Variants in SH2D1A observed in about 807,000 individuals in gnomAD.
SH2D1A encodes SH2 domain-containing protein 1A.
Under a neutral mutation model 10.1 loss-of-function variants are expected in SH2D1A, and 6 were observed. The observed-to-expected ratio is 0.60, with a 90% CI of 0.33 to 1.18. The LOEUF is 1.18. Ranked by LOEUF, SH2D1A falls within the 50% of genes most tolerant of loss-of-function variation. The pLI, the probability that SH2D1A is intolerant of heterozygous loss-of-function variation, is 0.04. For synonymous variants in SH2D1A, 42 were observed against 36.9 expected, an observed-to-expected ratio of 1.14 and a Z score of -0.51; for missense variants, 51 against 97.6, an observed-to-expected ratio of 0.52 and a Z score of 2.01.
At chrX:124,358,552 G>GA (rs2060031699) in intron 1 of SH2D1A, among the ~76,000 whole-genome samples, 1 of 111,923 alleles carries the variant, frequency 8.9e-6, no homozygotes, top group Non-Finnish European at 1.9e-5. Flanking sequence ...GGGAAGAAAG[G>GA]AAAAAATGGT....
At chrX:124,364,077 G>A (rs77635955) in intron 1 of SH2D1A, among the ~76,000 whole-genome samples, 1 of 109,567 alleles carries the variant, frequency 9.1e-6, no homozygotes, top group African/African-American at 3.3e-5. Context: ...ATAAAAAAAA[G>A]TTAGCTGTAA....
At chrX:124,348,545 T>A (rs905758823) in intron 1 of SH2D1A, among the ~76,000 whole-genome samples, 13 of 111,677 alleles carry the variant, frequency 1.2e-4, no homozygotes, top group African/African-American at 3.9e-4. Context: ...TCAGTTCACA[T>A]GTTTGTTCAA....
intron 1 of SH2D1A, among the ~76,000 whole-genome samples, chrX:124,352,622 G>A (rs1279382900): frequency 1.8e-5 from 2 of 111,309 alleles, no homozygotes; most frequent in Non-Finnish European, 3.8e-5. Context: ...CTTTTTAATG[G>A]CCAGATAGTA....
intron 1 of SH2D1A, among the ~76,000 whole-genome samples, chrX:124,349,656 A>C (rs888091904): frequency 1.4e-4 from 16 of 111,063 alleles, no homozygotes; most frequent in Non-Finnish European, 1.9e-4. Context: ...ACTGTACTTT[A>C]AACTGTACTT....
chrX:124,354,666 G>C (rs756486337), intron 1 of SH2D1A, among the ~76,000 whole-genome samples: 2 of 111,643 alleles, frequency 1.8e-5, no homozygotes, highest in South Asian at 7.5e-4. Context: ...ACCTCACAGG[G>C]TTGTTATGAT....
chrX:124,368,578 G>A (rs1248507341), intron 2 of SH2D1A, among the ~76,000 whole-genome samples: 2 of 112,447 alleles, frequency 1.8e-5, no homozygotes, highest in African/African-American at 6.5e-5. Flanking sequence ...GTTTGGCCCA[G>A]TTCTAATCTG....
At chrX:124,352,957 A>G (rs1460226164) in intron 1 of SH2D1A, among the ~76,000 whole-genome samples, 1 of 111,452 alleles carries the variant, frequency 9.0e-6, no homozygotes, top group African/African-American at 3.3e-5. Context: ...AGTTAACAAT[A>G]TCTTATGTAT....
intron 2 of SH2D1A, 34 bp downstream of exon 2, chrX:124,365,858 T>C (rs1289780036): frequency 3.4e-6 from 3 of 894,683 alleles, no homozygotes; most frequent in Non-Finnish European, 4.9e-6. Flanking sequence ...TCTGGGGGTG[T>C]CAAGGAGGTA....
intron 1 of SH2D1A, among the ~76,000 whole-genome samples, chrX:124,359,908 A>T (rs1451132453): frequency 9.1e-6 from 1 of 110,044 alleles, no homozygotes; most frequent in African/African-American, 3.4e-5. Context: ...TGAAAGATAT[A>T]GTAATTTTTT....
chrX:124,357,207 T>A (rs969509704), intron 1 of SH2D1A, among the ~76,000 whole-genome samples: 4 of 111,946 alleles, frequency 3.6e-5, no homozygotes, highest in Non-Finnish European at 7.5e-5. Flanking sequence ...TTCAACTTTT[T>A]AAGATCCCAT....
At chrX:124,367,170 G>A (rs1358640488) in intron 2 of SH2D1A, among the ~76,000 whole-genome samples, 1 of 112,052 alleles carries the variant, frequency 8.9e-6, no homozygotes, top group Non-Finnish European at 1.9e-5. Flanking sequence ...CGTTGTTTAT[G>A]TAATAATATT....
chrX:124,348,781 A>G (rs2060000255), intron 1 of SH2D1A, among the ~76,000 whole-genome samples: 1 of 112,303 alleles, frequency 8.9e-6, no homozygotes, highest in Admixed American at 9.5e-5. Flanking sequence ...AACACATAAT[A>G]GGCACTCAGC....
chrX:124,369,401 A>C (rs2060064112), intron 2 of SH2D1A, among the ~76,000 whole-genome samples: 1 of 112,186 alleles, frequency 8.9e-6, no homozygotes, highest in Non-Finnish European at 1.9e-5. Context: ...GATGTCAGGA[A>C]AGGAACACAT....
Position 124,350,253 on chromosome X carries a change from TA to T in SH2D1A, c.137+3476del, listed in dbSNP as rs1292540098. ...ATATTATATAATATTATATAATATA[TA>T]ATATATAAATATATATTATATATAA... On this transcript the variant is annotated intron_variant, in intron 1 of 3. Transcript: ENST00000371139. Among the ~76,000 whole-genome samples, 142 of 34,803 alleles carry T rather than the reference TA, an allele frequency of 4.1e-3. 8 individuals are homozygous for T. Among genetic ancestry groups the T allele is most frequent in the Non-Finnish European group, 5.3e-3 (123 of 23,089 alleles). 30.2% of individuals were successfully genotyped at this position (34,803 alleles called of 115,157 possible).
intron 1 of SH2D1A, among the ~76,000 whole-genome samples, chrX:124,354,543 G>A (rs1048844750): frequency 2.7e-5 from 3 of 111,741 alleles, no homozygotes; most frequent in African/African-American, 9.8e-5. Flanking sequence ...CTCTGGGTGT[G>A]CATCCCAGCT....
chrX:124,350,679 ATATAT>A (rs2060010794), intron 1 of SH2D1A, among the ~76,000 whole-genome samples: 1 of 33,442 alleles, frequency 3.0e-5, no homozygotes, highest in African/African-American at 2.6e-4. Context: ...ATAAGATATA[ATATAT>A]TATATATTGT....
intron 1 of SH2D1A, among the ~76,000 whole-genome samples, chrX:124,354,342 C>T (rs2060021683): frequency 9.0e-6 from 1 of 111,310 alleles, no homozygotes; most frequent in African/African-American, 3.3e-5. Context: ...TGGCCTCTTC[C>T]CTTCAGCTCC....
chrX:124,349,885 AT>A (rs1477483577), intron 1 of SH2D1A, among the ~76,000 whole-genome samples: 1 of 108,272 alleles, frequency 9.2e-6, no homozygotes, highest in Non-Finnish European at 1.9e-5. Context: ...GTATAAGTCT[AT>A]TAAAAATAGT....
intron 1 of SH2D1A, among the ~76,000 whole-genome samples, chrX:124,347,232 A>G (rs1049504482): frequency 9.0e-6 from 1 of 111,120 alleles, no homozygotes; most frequent in South Asian, 3.8e-4. Flanking sequence ...ACATTAAGAA[A>G]CAGAGTCAAT....
Sources: gnomAD v4.1 joint callset for allele counts (sites outside exome capture counted in the v4.1 genomes callset) on GRCh38, gnomAD v4.1.1 for gene constraint, MANE v1.5 for transcripts, NCBI Gene and HGNC (gene_info 2026-07-23, HGNC 2026-07-21) for gene names.